Variants in UBL3 observed in about 807,000 individuals in gnomAD.
UBL3 encodes the protein ubiquitin-like protein 3.
Under a neutral mutation model 18.4 loss-of-function variants are expected in UBL3, and 6 were observed. The observed-to-expected ratio is 0.33, with a 90% CI of 0.18 to 0.64. The LOEUF is 0.64. Among genes scored for constraint, UBL3 ranks in the 30% least tolerant of loss-of-function variants. UBL3 has a pLI of 0.76. For missense variants in UBL3, 109 were observed against 142.9 expected, an observed-to-expected ratio of 0.76 and a Z score of 1.21; for synonymous variants, 49 against 46.6, an observed-to-expected ratio of 1.05 and a Z score of -0.21.
intron 1 of UBL3, among the ~76,000 whole-genome samples, chr13:29,787,557 A>T (rs554866478): frequency 1.9e-4 from 29 of 152,328 alleles, no homozygotes; most frequent in Non-Finnish European, 3.4e-4. Context: ...CTGAAATTAA[A>T]TTATGGTATC....
chr13:29,778,532 A>G (rs1377827382), intron 1 of UBL3, among the ~76,000 whole-genome samples: 6 of 152,206 alleles, frequency 3.9e-5, no homozygotes, highest in Non-Finnish European at 7.3e-5. Context: ...TATAAAGAAC[A>G]GAGAACCTCA....
chr13:29,772,220 G>A (rs375045687), intron 2 of UBL3, 22 bp from the exon 3 acceptor site: 1 of 1,587,474 alleles, frequency 6.3e-7, no homozygotes, highest in Non-Finnish European at 8.6e-7. Context: ...CCAGTGTACT[G>A]GTTAGGTATA....
rs893388111 is a variant in UBL3 at position 29,833,772 on chromosome 13, C to T, written c.27+15740G>A. Among the ~76,000 whole-genome samples the T allele has an allele frequency of 2.6e-5, 4 of 152,170 alleles. No homozygotes were observed. In the East Asian group the frequency reaches 7.7e-4, roughly 29 times the overall value. Reference sequence around the variant, plus strand: ...ATATTTCACTTATTTTGTTCAATGTCTGTATCTTTACTATTTAAATGTAAA... The same window carrying T: ...ATATTTCACTTATTTTGTTCAATGTTTGTATCTTTACTATTTAAATGTAAA... On this transcript the variant is annotated intron_variant, in intron 1 of 4. Coordinates refer to ENST00000380680, the MANE Select transcript of UBL3 (RefSeq NM_007106.4).
At chr13:29,768,260 T>G (rs529385889) in intron 3 of UBL3, among the ~76,000 whole-genome samples, 1 of 152,224 alleles carries the variant, frequency 6.6e-6, no homozygotes, top group African/African-American at 2.4e-5. Flanking sequence ...TGTTTCCTAA[T>G]CAAGTCTTTA....
rs186610847 is a variant in UBL3, at chr13:29,839,426, T to A, written c.27+10086A>T. ...AATAATATACAACAAACTTGTAAGA[T>A]CCATCTAAGTTGCATTTAGAGGGAA... On this transcript the variant is annotated intron_variant, in intron 1 of 4. Coordinates refer to ENST00000380680, the MANE Select transcript of UBL3 (RefSeq NM_007106.4). Among the ~76,000 whole-genome samples the A allele has an allele frequency of 5.4e-4, 82 of 152,270 alleles. 1 individual carries two copies. In the East Asian group the frequency reaches 0.015, roughly 28 times the overall value.
At chr13:29,775,385 G>C (rs1352336190) in intron 2 of UBL3, among the ~76,000 whole-genome samples, 1 of 152,088 alleles carries the variant, frequency 6.6e-6, no homozygotes, top group South Asian at 2.1e-4. Context: ...CTCTAGAAAA[G>C]CTCCGTATAT....
chr13:29,835,132 ATATATATATATATATATATATATATAT>A (rs1878912234), intron 1 of UBL3, among the ~76,000 whole-genome samples: 3 of 5,952 alleles, frequency 5.0e-4, no homozygotes, highest in Non-Finnish European at 8.9e-4. Flanking sequence ...ATAAATATAT[ATATATATATATATATATATATATATAT>A]ATATATATAT....
At chr13:29,790,319 TTCTTTATCACTAAC>T (rs1197018425) in intron 1 of UBL3, among the ~76,000 whole-genome samples, 2 of 152,198 alleles carry the variant, frequency 1.3e-5, no homozygotes, top group East Asian at 3.8e-4. Flanking sequence ...ATGCTCTAAT[TTCTTTATCACTAAC>T]TCTTTATCTT....
chr13:29,848,767 CAAAG>C (rs1393571060), intron 1 of UBL3, among the ~76,000 whole-genome samples: 1 of 152,168 alleles, frequency 6.6e-6, no homozygotes, highest in East Asian at 1.9e-4. Context: ...ATAAACAAAA[CAAAG>C]AAAGGCGTCA....
chr13:29,800,050 A>G (rs1455007884), intron 1 of UBL3, among the ~76,000 whole-genome samples: 3 of 152,238 alleles, frequency 2.0e-5, no homozygotes, highest in Non-Finnish European at 4.4e-5. Context: ...GGATGACTAT[A>G]CTAACATCCA....
At chr13:29,773,601 G>T (rs1876903434) in intron 2 of UBL3, among the ~76,000 whole-genome samples, 1 of 152,058 alleles carries the variant, frequency 6.6e-6, no homozygotes, top group East Asian at 1.9e-4. Context: ...TTGAGATGCA[G>T]AAACCTGAAG....
Position 29,777,197 on chromosome 13 carries a change from C to G in UBL3, c.94G>C (p.Ala32Pro). ...TATACATGCTTTGCAATGTCAGAAG[C>G]AGAATCGTTAGGAGAAAACAGGAAC... ...KEFLFSPNDS[A>P]SDIAKHVYDN... Residue 32 changes from alanine (A) to proline (P), a missense_variant, in exon 2 of 5, where the codon GCT (alanine) becomes CCT (proline). Physicochemically the swap from Ala to Pro is conservative, Grantham distance 27. Coordinates refer to ENST00000380680, the MANE Select transcript of UBL3 (RefSeq NM_007106.4). 1 of 1,609,286 alleles carries G rather than the reference C, an allele frequency of 6.2e-7. No individual in the cohort carries two copies. Among genetic ancestry groups the G allele is most frequent in the Non-Finnish European group, 8.5e-7 (1 of 1,177,676 alleles).
intron 1 of UBL3, among the ~76,000 whole-genome samples, chr13:29,839,167 C>A (rs935863724): frequency 1.3e-5 from 2 of 152,198 alleles, no homozygotes; most frequent in South Asian, 4.1e-4. Context: ...AAGTGTGATA[C>A]AATAGATTGA....
At chr13:29,784,710 G>A (rs78434922) in intron 1 of UBL3, among the ~76,000 whole-genome samples, 113 of 152,194 alleles carry the variant, frequency 7.4e-4, no homozygotes, top group Middle Eastern at 3.4e-3. Flanking sequence ...AGACAGGAAG[G>A]GTTACTTTGC....
At chr13:29,837,015 G>T (rs1313962642) in intron 1 of UBL3, among the ~76,000 whole-genome samples, 1 of 152,190 alleles carries the variant, frequency 6.6e-6, no homozygotes, top group Non-Finnish European at 1.5e-5. Flanking sequence ...CAATAGTGAG[G>T]CTATCAGAAT....
intron 1 of UBL3, among the ~76,000 whole-genome samples, chr13:29,831,092 T>C (rs181034662): frequency 7.2e-5 from 11 of 152,070 alleles, no homozygotes; most frequent in Non-Finnish European, 1.5e-4. Flanking sequence ...TTTTCCCAAA[T>C]AGAGGGGTTG....
chr13:29,835,101 T>TAA (rs1878893848), intron 1 of UBL3, among the ~76,000 whole-genome samples: 5 of 45,004 alleles, frequency 1.1e-4, no homozygotes, highest in African/African-American at 2.1e-4. Flanking sequence ...TATATATATA[T>TAA]ATATAAATAT....
At chr13:29,802,923 G>A (rs1230263273) in intron 1 of UBL3, among the ~76,000 whole-genome samples, 1 of 152,090 alleles carries the variant, frequency 6.6e-6, no homozygotes, top group Admixed American at 6.6e-5. Context: ...TCACTAAAGA[G>A]GCCAACATTC....
chr13:29,843,213 A>G (rs995990557), intron 1 of UBL3, among the ~76,000 whole-genome samples: 6 of 152,226 alleles, frequency 3.9e-5, no homozygotes, highest in Non-Finnish European at 5.9e-5. Flanking sequence ...TACCTATAGT[A>G]TATGTGTTTT....
Sources: allele counts gnomAD v4.1 joint callset (sites outside exome capture counted in the v4.1 genomes callset), GRCh38; gene constraint gnomAD v4.1.1; transcripts MANE v1.5; gene names NCBI Gene and HGNC (gene_info 2026-07-23, HGNC 2026-07-21).